Variants in MTCL1 observed in about 807,000 individuals in gnomAD.
MTCL1 encodes the protein microtubule crosslinking factor 1, also known as microtubule cross-linking factor 1.
In MTCL1, 79 loss-of-function variants were observed where a neutral mutation model predicts 141.4. The observed-to-expected ratio is 0.56, with a 90% CI of 0.47 to 0.67. MTCL1 has a LOEUF of 0.67. Among genes scored for constraint, MTCL1 ranks in the 30% least tolerant of loss-of-function variants. The probability of loss-of-function intolerance (pLI) is 0.00; values close to 1 mark genes in which losing one functional copy is unlikely to be tolerated. For missense variants in MTCL1, 2,177 were observed against 2,113.9 expected (o/e 1.03, Z -0.59); for synonymous variants, 914 against 875.8 (o/e 1.04, Z -0.77).
At position 8,763,098 on chromosome 18, in the gene MTCL1, A is replaced by G. The variant is rs530614809; in HGVS notation, c.358-14735A>G. Among the ~76,000 whole-genome samples the G allele has an allele frequency of 1.2e-3, 181 of 152,352 alleles. 1 individual carries two copies. In the South Asian group the frequency reaches 0.017, roughly 14 times the overall value. ...TTCTCCCCCCAACCAAGCCCGCTCA[A>G]TACATCCTCATTGATAACATGTCCC... On this transcript the variant is annotated intron_variant, in intron 4 of 16. Transcript: ENST00000359865.
At chr18:8,806,369 C>T (rs1321504299) in intron 10 of MTCL1, among the ~76,000 whole-genome samples, 3 of 152,150 alleles carry the variant, frequency 2.0e-5, no homozygotes, top group Non-Finnish European at 4.4e-5. Context: ...ATTAATTCTC[C>T]TCTAGTACAA....
chr18:8,733,737 A>G (rs1056827723), intron 4 of MTCL1, among the ~76,000 whole-genome samples: 1 of 152,096 alleles, frequency 6.6e-6, no homozygotes, highest in Non-Finnish European at 1.5e-5. Flanking sequence ...GAGAACCTCA[A>G]GCATTGGCAC....
chr18:8,721,277 T>C (rs972157724), intron 4 of MTCL1, among the ~76,000 whole-genome samples: 1 of 152,184 alleles, frequency 6.6e-6, no homozygotes, highest in African/African-American at 2.4e-5. Flanking sequence ...GCTTAGCGGC[T>C]CATTTTTCCT....
chr18:8,792,524 T>C lies in MTCL1; in HGVS notation c.1888-474T>C, dbSNP rs569290584. On this transcript the variant is annotated intron_variant, in intron 7 of 16. Coordinates refer to ENST00000359865, the Ensembl canonical transcript of MTCL1. The stretch of plus-strand genomic sequence containing the variant: ...ACACCCTCGGTTGAGAAGGAAAAAC[T>C]CTAATAAGAAAGCATATGAAAAAAT... Among the ~76,000 whole-genome samples the C allele has an allele frequency of 4.6e-5, 6 of 129,846 alleles. No homozygotes were observed. The South Asian group carries it at 1.3e-3, about 29-fold the overall frequency. The allele number at this position is 129,846 out of a possible 152,430, so 85.2% of individuals were successfully genotyped here.
Position 8,792,883 on chromosome 18 carries a change from C to T in MTCL1, c.1888-115C>T, listed in dbSNP as rs960432348. The T allele has an allele frequency of 3.5e-6, 5 of 1,434,582 alleles. No homozygotes were observed. The African/African-American group carries it at 5.7e-5, about 16-fold the overall frequency. The allele number at this position is 1,434,582 out of a possible 1,614,324, so 88.9% of individuals were successfully genotyped here. ...AGTCACTCCACTGCTGCAGTGCCCACACATGCTGTGTCGCTCCGTGTGCGT... is the reference window on the plus strand; with the variant it reads ...AGTCACTCCACTGCTGCAGTGCCCATACATGCTGTGTCGCTCCGTGTGCGT... On this transcript the variant is annotated intron_variant, in intron 7 of 16. Transcript: ENST00000359865.
intron 9 of MTCL1, among the ~76,000 whole-genome samples, chr18:8,797,049 T>C (rs924476745): frequency 6.6e-6 from 1 of 152,228 alleles, no homozygotes; most frequent in Non-Finnish European, 1.5e-5. Context: ...TGTGCTACGC[T>C]CTGACCTAGT....
At chr18:8,793,617 A>T (rs75035832) in intron 8 of MTCL1, among the ~76,000 whole-genome samples, 2,693 of 152,254 alleles carry the variant, frequency 0.018, 85 homozygotes, top group African/African-American at 0.062. Flanking sequence ...ATCCTTCCCC[A>T]GAGTTCCGAG....
intron 16 of MTCL1, 98 bp from the exon 15 acceptor site, chr18:8,831,508 TC>T: frequency 6.7e-7 from 1 of 1,492,454 alleles, no homozygotes; most frequent in African/African-American, 1.4e-5. Flanking sequence ...GGTGTATACT[TC>T]ATCTCACTTG....
chr18:8,771,279 A>G (rs1414550273), intron 4 of MTCL1, among the ~76,000 whole-genome samples: 1 of 152,150 alleles, frequency 6.6e-6, no homozygotes, highest in Non-Finnish European at 1.5e-5. Flanking sequence ...GTGAGCTCCC[A>G]TGACCGATTT....
chr18:8,752,362 A>G (rs2096376139), intron 4 of MTCL1, among the ~76,000 whole-genome samples: 1 of 152,252 alleles, frequency 6.6e-6, no homozygotes, highest in African/African-American at 2.4e-5. Context: ...ACTTCCATGT[A>G]CTAGTTGAAT....
intron 4 of MTCL1, among the ~76,000 whole-genome samples, chr18:8,736,736 C>G (rs1188397947): frequency 6.7e-6 from 1 of 149,750 alleles, no homozygotes; most frequent in Non-Finnish European, 1.5e-5. Context: ...CTCCCGGGTT[C>G]ATGCCATTCT....
intron 3 of MTCL1, among the ~76,000 whole-genome samples, chr18:8,719,370 T>C (rs2096152426): frequency 6.6e-6 from 1 of 152,242 alleles, no homozygotes; most frequent in Non-Finnish European, 1.5e-5. Flanking sequence ...ACCAAAGTTA[T>C]AAACCACTGA....
intron 12 of MTCL1, among the ~76,000 whole-genome samples, chr18:8,815,190 G>T (rs568770729): frequency 2.6e-5 from 4 of 152,090 alleles, no homozygotes; most frequent in East Asian, 1.9e-4. Context: ...TATTGCGGCA[G>T]TATTCACAAT....
At chr18:8,732,241 C>T (rs955333236) in intron 4 of MTCL1, among the ~76,000 whole-genome samples, 3 of 152,030 alleles carry the variant, frequency 2.0e-5, no homozygotes, top group South Asian at 2.1e-4. Flanking sequence ...TGTGCCACCA[C>T]ACCCGGCTAA....
rs1186454594 is a variant in MTCL1, at chr18:8,822,614, T to C, written c.3188+1116T>C. Among the ~76,000 whole-genome samples, 2 of 152,334 alleles carry C rather than the reference T, an allele frequency of 1.3e-5. No individual in the cohort carries two copies. ...CCCAAACTGCCTGGGTTTGAATCGC[T>C]TCTGCCTCCTTGGGTAGGTTACTCA... On this transcript the variant is annotated intron_variant, in intron 14 of 16. Coordinates refer to ENST00000359865, the Ensembl canonical transcript of MTCL1. This position sits in a 1 kb window ranked among gnomAD's most constrained non-coding sequence, Gnocchi z 4.6.
At chr18:8,829,102 C>T (rs878943045) in intron 16 of MTCL1, 128 of 1,522,418 alleles carry the variant, frequency 8.4e-5, no homozygotes, top group South Asian at 1.4e-4. Flanking sequence ...CCAGGAGGTT[C>T]GCCTAAACCC....
chr18:8,746,009 G>C (rs1488800648), intron 4 of MTCL1, among the ~76,000 whole-genome samples: 2 of 152,110 alleles, frequency 1.3e-5, no homozygotes, highest in African/African-American at 4.8e-5. Flanking sequence ...TGTGTGTTTG[G>C]CTTATTTCGC....
intron 4 of MTCL1, among the ~76,000 whole-genome samples, chr18:8,764,264 A>G (rs1413807369): frequency 6.6e-6 from 1 of 152,092 alleles, no homozygotes; most frequent in Non-Finnish European, 1.5e-5. Flanking sequence ...TTGTTAAGCA[A>G]ATTACTTCAT....
Position 8,779,289 on chromosome 18 carries a change from C to G in MTCL1, c.417+1397C>G, listed in dbSNP as rs376288841. ...GGCCATGCCTGCCCTCTGCCTGCAA[C>G]AGGAATCGTGTGTCATATGGAAAGT... On this transcript the variant is annotated intron_variant, in intron 5 of 16. Transcript: ENST00000359865. The surrounding 1 kb of genome is among the most constrained non-coding windows in gnomAD (Gnocchi z 4.1). 2.0e-5 allele frequency among the ~76,000 whole-genome samples: 3 copies of G among 152,188 alleles called. No individual in the cohort carries two copies. The highest frequency in any genetic ancestry group is 4.4e-5 in the Non-Finnish European group (3 of 68,030).
Sources: gnomAD v4.1 joint callset for allele counts (sites outside exome capture counted in the v4.1 genomes callset) on GRCh38, gnomAD v4.1.1 for gene constraint, Gnocchi (gnomAD v3.1) non-coding constraint, MANE v1.5 for transcripts, NCBI Gene and HGNC (gene_info 2026-07-23, HGNC 2026-07-21) for gene names.